Variants in FLVCR2 observed in about 807,000 individuals in gnomAD.
FLVCR2 encodes the protein choline/ethanolamine transporter FLVCR2.
In FLVCR2, 38 loss-of-function variants were observed where a neutral mutation model predicts 48.9. That is an observed-to-expected ratio of 0.78 (90% CI 0.60 to 1.02). The LOEUF (loss-of-function observed/expected upper bound fraction) is 1.02. Ranked by LOEUF, FLVCR2 falls within the 50% of genes least tolerant of loss-of-function variation. FLVCR2 has a pLI of 0.00. For synonymous variants in FLVCR2, 255 were observed against 257.0 expected (o/e 0.99, Z 0.07); for missense variants, 664 against 663.3 (o/e 1.00, Z -0.01).
At chr14:75,605,183 G>C (rs539425424) in intron 1 of FLVCR2, among the ~76,000 whole-genome samples, 17 of 152,200 alleles carry the variant, frequency 1.1e-4, no homozygotes, top group Non-Finnish European at 2.1e-4. Flanking sequence ...ACATCAAACA[G>C]CCCTGTGTGG....
At position 75,622,317 on chromosome 14, in the gene FLVCR2, C is replaced by T. The variant is rs550679716; in HGVS notation, c.811+97C>T. The T allele has an allele frequency of 2.4e-5, 29 of 1,207,752 alleles. No homozygotes were observed. The African/African-American group carries it at 4.0e-4, about 17-fold the overall frequency. The allele number at this position is 1,207,752 out of a possible 1,614,324, so 74.8% of individuals were successfully genotyped here. On this transcript the variant is annotated intron_variant, in intron 2 of 9. Transcript: ENST00000238667. ...ACCCTTGTGAACATGCCCTGAAATA[C>T]CATGGATATTTACAGAAACTGGAGT...
intron 5 of FLVCR2, among the ~76,000 whole-genome samples, chr14:75,636,932 T>G (rs1218059456): frequency 6.6e-6 from 1 of 152,234 alleles, no homozygotes; most frequent in Non-Finnish European, 1.5e-5. Flanking sequence ...CGGGCAAGAC[T>G]GGCGTCCATG....
rs189000036 is a variant in FLVCR2, at chr14:75,604,896, G to A, written c.670-17183G>A. ...TAAACTAAAAGCAATATGGGTGCAG[G>A]AAGTTGGTGTAATATTCCCAGAGTG... On this transcript the variant is annotated intron_variant, in intron 1 of 9. Coordinates refer to ENST00000238667, the MANE Select transcript of FLVCR2 (RefSeq NM_017791.3). Among the ~76,000 whole-genome samples the A allele has an allele frequency of 5.0e-3, 754 of 152,282 alleles. 15 individuals are homozygous for A. The highest frequency in any genetic ancestry group is 0.042 in the Admixed American group (650 of 15,302).
At chr14:75,581,738 CG>C (rs1888613740) in intron 1 of FLVCR2, among the ~76,000 whole-genome samples, 1 of 152,092 alleles carries the variant, frequency 6.6e-6, no homozygotes, top group Non-Finnish European at 1.5e-5. Flanking sequence ...CAGTCCTGGG[CG>C]GGGGCAAATC....
intron 1 of FLVCR2, among the ~76,000 whole-genome samples, chr14:75,596,788 C>CA (rs1889033656): frequency 8.2e-6 from 1 of 121,718 alleles, no homozygotes; most frequent in Admixed American, 8.2e-5. Context: ...TTGCCCCCCC[C>CA]CCCCGCCCCC....
intron 5 of FLVCR2, among the ~76,000 whole-genome samples, chr14:75,637,097 A>G (rs547106139): frequency 6.6e-6 from 1 of 152,216 alleles, no homozygotes; most frequent in South Asian, 2.1e-4. Flanking sequence ...ATGCAACCAC[A>G]TAGTGCATCG....
At chr14:75,614,587 A>C (rs1398324602) in intron 1 of FLVCR2, among the ~76,000 whole-genome samples, 1 of 152,242 alleles carries the variant, frequency 6.6e-6, no homozygotes, top group South Asian at 2.1e-4. Context: ...GACTTGTTCA[A>C]TCTGGCTGGA....
At chr14:75,641,592 T>A (rs1009348645) in intron 8 of FLVCR2, among the ~76,000 whole-genome samples, 1 of 152,178 alleles carries the variant, frequency 6.6e-6, no homozygotes, top group Non-Finnish European at 1.5e-5. Context: ...TTGTGATGAT[T>A]AGAGCAATGT....
chr14:75,633,733 G>T, intron 4 of FLVCR2, 37 bp downstream of exon 4: 1 of 1,515,132 alleles, frequency 6.6e-7, no homozygotes, highest in Non-Finnish European at 9.2e-7. Context: ...GCCTCAAGAT[G>T]ATATAGTTTC....
chr14:75,625,076 A>C (rs1184626192), intron 3 of FLVCR2, among the ~76,000 whole-genome samples: 1 of 70,732 alleles, frequency 1.4e-5, no homozygotes, highest in African/African-American at 3.3e-5. Context: ...AACACCTGTC[A>C]TTAAAAAAAA....
Position 75,578,788 on chromosome 14 carries a change from T to C in FLVCR2, c.-185T>C. 1.6e-6 allele frequency: 1 copy of C among 633,154 alleles called. No homozygotes were observed. Among genetic ancestry groups the C allele is most frequent in the South Asian group, 1.9e-5 (1 of 52,370 alleles). 39.2% of individuals were successfully genotyped at this position (633,154 alleles called of 1,614,324 possible). On this transcript the variant is annotated 5_prime_UTR_variant, in exon 1 of 10. Coordinates refer to ENST00000238667, the MANE Select transcript of FLVCR2 (RefSeq NM_017791.3). ...GGCAACAGAGAGCCCCAAGCAAAAGTGGGAGCAGGAGCTTGGAGGTGAGCA... is the reference window on the plus strand; with the variant it reads ...GGCAACAGAGAGCCCCAAGCAAAAGCGGGAGCAGGAGCTTGGAGGTGAGCA...
At chr14:75,613,961 C>T (rs1026251037) in intron 1 of FLVCR2, among the ~76,000 whole-genome samples, 1 of 152,218 alleles carries the variant, frequency 6.6e-6, no homozygotes, top group African/African-American at 2.4e-5. Flanking sequence ...CTGCCCTACT[C>T]TGTGAACTTA....
At chr14:75,638,089 T>C (rs2140051759) in intron 5 of FLVCR2, among the ~76,000 whole-genome samples, 1 of 152,280 alleles carries the variant, frequency 6.6e-6, no homozygotes, top group South Asian at 2.1e-4. Context: ...GCTGAGAGAA[T>C]ATTCTCTCTT....
At chr14:75,605,371 C>T (rs1889264991) in intron 1 of FLVCR2, 1 of 1,177,640 alleles carries the variant, frequency 8.5e-7, no homozygotes, top group Admixed American at 2.9e-5. Context: ...TATCTCCCCT[C>T]CCTTGATTCT....
intron 3 of FLVCR2, chr14:75,632,896 C>T: frequency 1.4e-6 from 1 of 702,362 alleles, no homozygotes; most frequent in Non-Finnish European, 2.6e-6. Context: ...GTGCAGCCGC[C>T]ATTGTCATCA....
intron 1 of FLVCR2, among the ~76,000 whole-genome samples, chr14:75,592,908 A>G (rs570656052): frequency 9.8e-5 from 15 of 152,344 alleles, no homozygotes; most frequent in Non-Finnish European, 1.6e-4. Flanking sequence ...GCCCTAAGGC[A>G]TGGACACAAT....
At chr14:75,589,789 G>T (rs1440360723) in intron 1 of FLVCR2, among the ~76,000 whole-genome samples, 2 of 152,200 alleles carry the variant, frequency 1.3e-5, no homozygotes, top group African/African-American at 4.8e-5. Context: ...TGCCACCAAA[G>T]TTTATAGTTT....
chr14:75,632,603 G>A, intron 3 of FLVCR2: 1 of 702,222 alleles, frequency 1.4e-6, no homozygotes, highest in East Asian at 2.7e-5. Flanking sequence ...TATGAACTGG[G>A]GTTCTATGGA....
intron 1 of FLVCR2, among the ~76,000 whole-genome samples, chr14:75,619,039 C>A (rs2140034853): frequency 6.6e-6 from 1 of 152,216 alleles, no homozygotes; most frequent in South Asian, 2.1e-4. Flanking sequence ...ACCTGGCCAA[C>A]ATGGGGAAAC....
Sources: allele counts gnomAD v4.1 joint callset (sites outside exome capture counted in the v4.1 genomes callset), GRCh38; gene constraint gnomAD v4.1.1; transcripts MANE v1.5; gene names NCBI Gene and HGNC (gene_info 2026-07-23, HGNC 2026-07-21).